The following FSTL5 variants were observed in gnomAD, a reference collection of about 807,000 sequenced individuals.
The protein encoded by FSTL5 is follistatin like 5.
FSTL5 carries 62 observed loss-of-function variants against 89.1 expected under a neutral mutation model. That is an observed-to-expected ratio of 0.70 (90% CI 0.57 to 0.86). FSTL5 has a LOEUF of 0.86. Among genes scored for constraint, FSTL5 ranks in the 40% least tolerant of loss-of-function variants. The pLI, the probability that FSTL5 is intolerant of heterozygous loss-of-function variation, is 0.00. For missense variants in FSTL5, 1,057 were observed against 1,001.6 expected (o/e 1.06, Z -0.75); for synonymous variants, 383 against 346.2 (o/e 1.11, Z -1.18).
chr4:161,825,635 G>A (rs1170777500), intron 4 of FSTL5, among the ~76,000 whole-genome samples: 2 of 152,014 alleles, frequency 1.3e-5, no homozygotes, highest in Non-Finnish European at 2.9e-5. Context: ...ATATTTCCAG[G>A]AATTTATCTA....
rs182484846 is a variant in FSTL5, at chr4:161,471,295, C to T, written c.1608+9725G>A. Among the ~76,000 whole-genome samples, 525 of 151,990 alleles carry T rather than the reference C, an allele frequency of 3.5e-3. 3 individuals are homozygous for T. The highest frequency in any genetic ancestry group is 0.011 in the African/African-American group (473 of 41,502). ...GTTAAATTTTATCACATGCTTTTTT[C>T]GATCAATTGAGATGGTCATGTAATT... On this transcript the variant is annotated intron_variant, in intron 13 of 15. Coordinates refer to ENST00000306100, the MANE Select transcript of FSTL5 (RefSeq NM_020116.5).
At chr4:161,686,543 G>A (rs937074689) in intron 6 of FSTL5, among the ~76,000 whole-genome samples, 3 of 150,012 alleles carry the variant, frequency 2.0e-5, no homozygotes, top group Non-Finnish European at 3.0e-5. Flanking sequence ...GGTATTTTTC[G>A]TAGAGACAGG....
chr4:161,929,121 T>A (rs942952482), intron 3 of FSTL5, among the ~76,000 whole-genome samples: 4 of 151,532 alleles, frequency 2.6e-5, no homozygotes, highest in African/African-American at 9.7e-5. Context: ...CCTCCCTCCT[T>A]CCCTCCCTCC....
At chr4:161,685,793 T>C (rs1251334458) in intron 6 of FSTL5, among the ~76,000 whole-genome samples, 5 of 152,162 alleles carry the variant, frequency 3.3e-5, no homozygotes, top group Non-Finnish European at 4.4e-5. Flanking sequence ...ATTCCAGTAC[T>C]ATATTGAAGA....
intron 5 of FSTL5, among the ~76,000 whole-genome samples, chr4:161,771,064 T>A (rs1190902972): frequency 6.6e-6 from 1 of 152,070 alleles, no homozygotes; most frequent in South Asian, 2.1e-4. Context: ...GGACAATTAT[T>A]TTATTATAAA....
intron 6 of FSTL5, among the ~76,000 whole-genome samples, chr4:161,687,510 C>G (rs186528889): frequency 6.6e-6 from 1 of 152,192 alleles, no homozygotes; most frequent in Admixed American, 6.5e-5. Context: ...ACAAACATAT[C>G]CACTCATGAA....
chr4:161,760,460 T>C (rs1270087618), intron 5 of FSTL5, among the ~76,000 whole-genome samples: 1 of 152,092 alleles, frequency 6.6e-6, no homozygotes, highest in Non-Finnish European at 1.5e-5. Flanking sequence ...GACTTCAAAA[T>C]CAGGTGGCTC....
At chr4:162,089,997 ACT>A (rs1730479592) in intron 2 of FSTL5, among the ~76,000 whole-genome samples, 2 of 152,124 alleles carry the variant, frequency 1.3e-5, no homozygotes, top group South Asian at 4.2e-4. Context: ...ATGGGGAAAG[ACT>A]CTCTATTCAG....
intron 15 of FSTL5, among the ~76,000 whole-genome samples, chr4:161,436,091 A>G (rs184215195): frequency 5.9e-4 from 89 of 150,712 alleles, no homozygotes; most frequent in African/African-American, 1.9e-3. Flanking sequence ...CAAGAGAACC[A>G]AGCAAAAGAT....
At chr4:161,653,187 C>A (rs1350059202) in intron 7 of FSTL5, among the ~76,000 whole-genome samples, 2 of 152,126 alleles carry the variant, frequency 1.3e-5, no homozygotes, top group African/African-American at 4.8e-5. Context: ...TTCAAGAGAG[C>A]AGAGTATCAC....
chr4:162,057,129 G>A (rs1158678436), intron 2 of FSTL5, among the ~76,000 whole-genome samples: 1 of 152,218 alleles, frequency 6.6e-6, no homozygotes, highest in Non-Finnish European at 1.5e-5. Context: ...TGGCCCATCT[G>A]CCCGATTAGC....
intron 5 of FSTL5, among the ~76,000 whole-genome samples, chr4:161,765,322 C>T (rs1212995650): frequency 6.6e-6 from 1 of 152,160 alleles, no homozygotes; most frequent in African/African-American, 2.4e-5. Flanking sequence ...CTCTTCTATC[C>T]ATACAAGTGC....
chr4:161,955,050 G>A (rs1472928252), intron 3 of FSTL5, among the ~76,000 whole-genome samples: 7 of 71,964 alleles, frequency 9.7e-5, no homozygotes, highest in East Asian at 2.8e-4. Flanking sequence ...AATTGTACCC[G>A]CAGATTTTAC....
intron 3 of FSTL5, among the ~76,000 whole-genome samples, chr4:161,946,873 T>G (rs1248621174): frequency 6.6e-6 from 1 of 152,192 alleles, no homozygotes; most frequent in East Asian, 1.9e-4. Flanking sequence ...GAGTGCCACC[T>G]GTTAAATCTT....
intron 6 of FSTL5, among the ~76,000 whole-genome samples, chr4:161,719,162 T>G (rs1739105128): frequency 1.3e-5 from 2 of 152,240 alleles, no homozygotes; most frequent in African/African-American, 4.8e-5. Flanking sequence ...TTCATTTGCA[T>G]GCAGATATCC....
chr4:161,902,759 G>C (rs1733406664), intron 4 of FSTL5, among the ~76,000 whole-genome samples: 1 of 152,108 alleles, frequency 6.6e-6, no homozygotes, highest in African/African-American at 2.4e-5. Context: ...TGAGGCAGGA[G>C]AATGGCGTGA....
At chr4:161,401,945 T>G (rs1230494931) in intron 15 of FSTL5, among the ~76,000 whole-genome samples, 1 of 152,184 alleles carries the variant, frequency 6.6e-6, no homozygotes, top group Non-Finnish European at 1.5e-5. Flanking sequence ...TAACACTCAA[T>G]TTTCTTATTT....
intron 15 of FSTL5, among the ~76,000 whole-genome samples, chr4:161,447,085 C>T (rs569039664): frequency 9.2e-5 from 14 of 152,054 alleles, no homozygotes; most frequent in Non-Finnish European, 1.8e-4. Flanking sequence ...GCATAAGGAC[C>T]TCTGAGAGAA....
chr4:162,093,950 C>A (rs1730650399), intron 2 of FSTL5, among the ~76,000 whole-genome samples: 2 of 152,122 alleles, frequency 1.3e-5, no homozygotes, highest in Admixed American at 1.3e-4. Context: ...TTGGTCACAG[C>A]AGCAATAATA....
Sources: allele counts gnomAD v4.1 joint callset (sites outside exome capture counted in the v4.1 genomes callset), GRCh38; gene constraint gnomAD v4.1.1; transcripts MANE v1.5; gene names NCBI Gene and HGNC (gene_info 2026-07-23, HGNC 2026-07-21).